CACNG3: variants seen among roughly 807,000 people sequenced by gnomAD.
CACNG3 encodes the protein voltage-dependent calcium channel gamma-3 subunit.
Under a neutral mutation model 28.5 loss-of-function variants are expected in CACNG3, and 3 were observed. That is an observed-to-expected ratio of 0.11 (90% CI 0.05 to 0.27). CACNG3 has a LOEUF of 0.27. CACNG3 is among the 10% of genes least tolerant of loss of function. The pLI, the probability that CACNG3 is intolerant of heterozygous loss-of-function variation, is 1.00. For missense variants in CACNG3, 236 were observed against 414.4 expected (o/e 0.57, Z 3.74); for synonymous variants, 174 against 162.2 (o/e 1.07, Z -0.55).
chr16:24,262,818 G>A (rs1223539775), intron 1 of CACNG3, among the ~76,000 whole-genome samples: 1 of 152,196 alleles, frequency 6.6e-6, no homozygotes, highest in Non-Finnish European at 1.5e-5. Context: ...ACTTTCAGTT[G>A]TTTCAATCTC....
intron 1 of CACNG3, among the ~76,000 whole-genome samples, chr16:24,339,034 C>T (rs995885897): frequency 2.6e-5 from 4 of 152,190 alleles, no homozygotes; most frequent in African/African-American, 9.7e-5. Flanking sequence ...TTTCACTCCA[C>T]GTGCAGTTAA....
chr16:24,282,255 C>T (rs1298721767), intron 1 of CACNG3, among the ~76,000 whole-genome samples: 1 of 152,148 alleles, frequency 6.6e-6, no homozygotes, highest in Non-Finnish European at 1.5e-5. Context: ...AGACTAGAAT[C>T]CTATGGCCGC....
intron 1 of CACNG3, among the ~76,000 whole-genome samples, chr16:24,322,279 C>T (rs1344142482): frequency 6.6e-6 from 1 of 152,092 alleles, no homozygotes; most frequent in Non-Finnish European, 1.5e-5. Context: ...TCCAGATGCC[C>T]CGGGAGAACA....
In CACNG3 at chr16:24,361,482, A is replaced by G. The variant is rs1362836342; in HGVS notation, c.567A>G (p.Ala189=). 6.2e-7 allele frequency: 1 copy of G among 1,614,096 alleles called. No homozygotes were observed. ...FYFGAFSFII[A]EIVGVVAVHI... Reference sequence around the variant, plus strand: ...TCGGAGCCTTCTCTTTCATCATCGCAGAAATTGTAGGAGTGGTTGCCGTGC... The same window carrying G: ...TCGGAGCCTTCTCTTTCATCATCGCGGAAATTGTAGGAGTGGTTGCCGTGC... Residue 189 remains alanine, a synonymous_variant, in exon 4 of 4, where the codon GCA becomes GCG. Coordinates refer to ENST00000005284, the MANE Select transcript of CACNG3 (RefSeq NM_006539.4). This position sits in a 1 kb window ranked among gnomAD's most constrained non-coding sequence, Gnocchi z 6.8.
intron 1 of CACNG3, among the ~76,000 whole-genome samples, chr16:24,343,608 T>C (rs1001990237): frequency 6.6e-6 from 1 of 152,150 alleles, no homozygotes; most frequent in African/African-American, 2.4e-5. Flanking sequence ...AAAATGATCA[T>C]GAAGCGACCA....
intron 1 of CACNG3, among the ~76,000 whole-genome samples, chr16:24,323,777 T>C (rs147547536): frequency 0.022 from 3,314 of 152,278 alleles, 62 homozygotes; most frequent in South Asian, 0.051. Flanking sequence ...TTACCAGATG[T>C]CCTTCTTTTT....
intron 1 of CACNG3, among the ~76,000 whole-genome samples, chr16:24,294,529 G>T (rs970732730): frequency 1.3e-5 from 2 of 152,142 alleles, no homozygotes; most frequent in Non-Finnish European, 2.9e-5. Flanking sequence ...AGTCTAGGTG[G>T]ATGATGATGA....
intron 1 of CACNG3, among the ~76,000 whole-genome samples, chr16:24,311,663 C>T (rs1026216319): frequency 2.6e-5 from 4 of 152,160 alleles, no homozygotes; most frequent in Non-Finnish European, 4.4e-5. Context: ...CAAGACCAGC[C>T]TGGCCAACCT....
intron 1 of CACNG3, among the ~76,000 whole-genome samples, chr16:24,267,564 A>G (rs1176316198): frequency 2.6e-5 from 4 of 152,222 alleles, no homozygotes; most frequent in Non-Finnish European, 4.4e-5. Flanking sequence ...CTGTGATTAC[A>G]GGTTTAAACC....
At chr16:24,329,298 A>G (rs1899602307) in intron 1 of CACNG3, among the ~76,000 whole-genome samples, 1 of 151,918 alleles carries the variant, frequency 6.6e-6, no homozygotes, top group African/African-American at 2.4e-5. Flanking sequence ...GATAAATGTC[A>G]GGGCCCGGGA....
chr16:24,323,202 G>A (rs914834861), intron 1 of CACNG3, among the ~76,000 whole-genome samples: 3 of 130,072 alleles, frequency 2.3e-5, no homozygotes, highest in Non-Finnish European at 4.6e-5. Flanking sequence ...ATTCAGCCTG[G>A]GCCACAGAGC....
At chr16:24,330,715 A>G (rs1288151167) in intron 1 of CACNG3, among the ~76,000 whole-genome samples, 3 of 152,330 alleles carry the variant, frequency 2.0e-5, no homozygotes, top group East Asian at 3.9e-4. Flanking sequence ...GTTAAAAAGC[A>G]GCTAAGACCC....
intron 2 of CACNG3, among the ~76,000 whole-genome samples, chr16:24,348,522 G>C (rs919348335): frequency 6.6e-6 from 1 of 152,204 alleles, no homozygotes; most frequent in African/African-American, 2.4e-5. Context: ...AGCTCAAAGA[G>C]GAGAGAAGGA....
chr16:24,324,871 G>A (rs1461699757), intron 1 of CACNG3, among the ~76,000 whole-genome samples: 4 of 152,068 alleles, frequency 2.6e-5, no homozygotes, highest in Non-Finnish European at 4.4e-5. Context: ...GATTTGCAAG[G>A]GGGCTGTTTC....
intron 2 of CACNG3, among the ~76,000 whole-genome samples, chr16:24,349,635 T>C (rs1185306123): frequency 6.6e-6 from 1 of 152,208 alleles, no homozygotes; most frequent in Non-Finnish European, 1.5e-5. Context: ...CACATGCTAA[T>C]GTATTATAAT....
intron 1 of CACNG3, among the ~76,000 whole-genome samples, chr16:24,344,270 A>G (rs886127566): frequency 6.6e-6 from 1 of 151,924 alleles, no homozygotes; most frequent in African/African-American, 2.4e-5. Context: ...TGTCTCTACT[A>G]AAAATACAAA....
At chr16:24,305,815 A>T (rs1303158634) in intron 1 of CACNG3, among the ~76,000 whole-genome samples, 2 of 152,208 alleles carry the variant, frequency 1.3e-5, no homozygotes, top group East Asian at 1.9e-4. Context: ...AGTAAAATTT[A>T]AAAAAGAACT....
chr16:24,330,565 T>A (rs973186452), intron 1 of CACNG3, among the ~76,000 whole-genome samples: 3 of 152,230 alleles, frequency 2.0e-5, no homozygotes, highest in African/African-American at 7.2e-5. Context: ...AAACACAGGT[T>A]CTCAAAGCCT....
intron 1 of CACNG3, among the ~76,000 whole-genome samples, chr16:24,340,342 G>A (rs1023729455): frequency 1.3e-5 from 2 of 152,116 alleles, no homozygotes; most frequent in African/African-American, 4.8e-5. Flanking sequence ...AGGCTTCAGT[G>A]AGCCATAAGC....
Sources: allele counts gnomAD v4.1 joint callset (sites outside exome capture counted in the v4.1 genomes callset), GRCh38; gene constraint gnomAD v4.1.1; non-coding constraint Gnocchi (gnomAD v3.1); transcripts MANE v1.5; gene names NCBI Gene and HGNC (gene_info 2026-07-23, HGNC 2026-07-21).